The following TYR variants were observed in gnomAD, a reference collection of about 807,000 sequenced individuals.
The protein encoded by TYR is LB24-AB.
A neutral mutation model predicts 51.5 loss-of-function variants in TYR; 58 were observed. The observed-to-expected ratio is 1.13, with a 90% CI of 0.91 to 1.40. TYR has a LOEUF of 1.40. Ranked by LOEUF, TYR falls within the 40% of genes most tolerant of loss-of-function variation. The probability of loss-of-function intolerance (pLI) is 0.00; values close to 1 mark genes in which losing one functional copy is unlikely to be tolerated. For synonymous variants in TYR, 263 were observed against 235.2 expected (o/e 1.12, Z -1.08); for missense variants, 732 against 647.4 (o/e 1.13, Z -1.42).
Position 89,220,603 on chromosome 11 carries a change from C to T in TYR, c.1037-7220C>T, listed in dbSNP as rs375495984. On this transcript the variant is annotated intron_variant, in intron 2 of 4. Transcript: ENST00000263321. ...TAATATCTTCTTTACAGAGTTACTA[C>T]GAAGATAGCCGGGCGTGGCGGGTGC... Among the ~76,000 whole-genome samples the T allele has an allele frequency of 3.8e-4, 58 of 152,108 alleles. 1 individual carries two copies. The South Asian group carries it at 0.012, about 32-fold the overall frequency.
chr11:89,241,755 TTTATA>T (rs1411974429), intron 3 of TYR, among the ~76,000 whole-genome samples: 3 of 147,948 alleles, frequency 2.0e-5, no homozygotes, highest in African/African-American at 7.4e-5. Context: ...ATTAATATAT[TTTATA>T]TTATATATTA....
intron 3 of TYR, among the ~76,000 whole-genome samples, chr11:89,276,804 G>T (rs1944660313): frequency 6.6e-6 from 1 of 151,790 alleles, no homozygotes. Flanking sequence ...AAACACCCCT[G>T]TCATCCTGTG....
chr11:89,276,242 T>A (rs1424605978), intron 3 of TYR, among the ~76,000 whole-genome samples: 1 of 151,820 alleles, frequency 6.6e-6, no homozygotes, highest in Non-Finnish European at 1.5e-5. Flanking sequence ...GATCCTGAAT[T>A]TCTGAAATAA....
At chr11:89,181,445 A>G (rs569694072) in intron 1 of TYR, among the ~76,000 whole-genome samples, 2 of 152,310 alleles carry the variant, frequency 1.3e-5, no homozygotes, top group African/African-American at 4.8e-5. Flanking sequence ...ATGTTCTGTA[A>G]TAAACACACC....
chr11:89,204,363 T>C (rs1360479212), intron 2 of TYR, among the ~76,000 whole-genome samples: 1 of 151,990 alleles, frequency 6.6e-6, no homozygotes, highest in East Asian at 1.9e-4. Flanking sequence ...TCCCTTCTGC[T>C]GGAGCTGAGT....
chr11:89,180,970 A>C (rs1943292965), intron 1 of TYR, among the ~76,000 whole-genome samples: 1 of 152,162 alleles, frequency 6.6e-6, no homozygotes, highest in African/African-American at 2.4e-5. Context: ...TAAAAATAAA[A>C]AACTGTTGCA....
At chr11:89,202,080 T>C (rs150065272) in intron 2 of TYR, among the ~76,000 whole-genome samples, 48 of 109,216 alleles carry the variant, frequency 4.4e-4, no homozygotes, top group African/African-American at 1.7e-3. Flanking sequence ...GTGACTTATA[T>C]AATAATGTTA....
chr11:89,194,974 A>G lies in TYR; in HGVS notation c.1036+3556A>G, dbSNP rs375667728. Among the ~76,000 whole-genome samples, 5 of 152,310 alleles carry G rather than the reference A, an allele frequency of 3.3e-5. No homozygotes were observed. In the East Asian group the frequency reaches 9.7e-4, roughly 29 times the overall value. The stretch of plus-strand genomic sequence containing the variant: ...TCATTGGGAAGGAAACTCAAGATCA[A>G]GATTCGGAAGCAAGTTTTCCTCACC... On this transcript the variant is annotated intron_variant, in intron 2 of 4. Transcript: ENST00000263321.
Position 89,293,354 on chromosome 11 carries a change from C to T in TYR, c.1367-1789C>T, listed in dbSNP as rs184146480. Among the ~76,000 whole-genome samples the T allele has an allele frequency of 9.2e-3, 1,392 of 151,586 alleles. 20 individuals carry two copies. The highest frequency in any genetic ancestry group is 0.032 in the African/African-American group (1,335 of 41,376). ...TTATGCATACACACACACACACACA[C>T]ACACACACACACACACAACCCAGAA... On this transcript the variant is annotated intron_variant, in intron 4 of 4. Coordinates refer to ENST00000263321, the MANE Select transcript of TYR (RefSeq NM_000372.5).
At chr11:89,276,387 A>G (rs1214360506) in intron 3 of TYR, among the ~76,000 whole-genome samples, 1 of 151,834 alleles carries the variant, frequency 6.6e-6, no homozygotes, top group African/African-American at 2.4e-5. Context: ...GAAAGGAAGG[A>G]AAGAACAGAA....
intron 1 of TYR, among the ~76,000 whole-genome samples, chr11:89,189,991 T>C (rs1270406817): frequency 2.0e-5 from 3 of 152,156 alleles, no homozygotes; most frequent in African/African-American, 7.2e-5. Flanking sequence ...CATAATATTA[T>C]ACACAATGCA....
At chr11:89,260,118 A>C (rs1309409830) in intron 3 of TYR, among the ~76,000 whole-genome samples, 2 of 152,050 alleles carry the variant, frequency 1.3e-5, no homozygotes, top group Non-Finnish European at 2.9e-5. Flanking sequence ...ATTCAATGGA[A>C]TGAGCAAATA....
intron 1 of TYR, among the ~76,000 whole-genome samples, chr11:89,183,301 G>A (rs1565388677): frequency 1.3e-5 from 2 of 151,682 alleles, no homozygotes; most frequent in East Asian, 3.9e-4. Flanking sequence ...AATCACTTGC[G>A]TTGAAATAGA....
chr11:89,278,485 A>G (rs952777312), intron 3 of TYR, among the ~76,000 whole-genome samples: 3 of 151,704 alleles, frequency 2.0e-5, no homozygotes, highest in African/African-American at 7.3e-5. Context: ...TCTATTACAT[A>G]TGTGTATGTA....
chr11:89,244,562 T>C (rs1015172196), intron 3 of TYR, among the ~76,000 whole-genome samples: 2 of 152,216 alleles, frequency 1.3e-5, no homozygotes, highest in East Asian at 3.9e-4. Flanking sequence ...ACATTGTCCA[T>C]GTTTTAGCAG....
chr11:89,250,186 A>G (rs976044213), intron 3 of TYR, among the ~76,000 whole-genome samples: 9 of 152,164 alleles, frequency 5.9e-5, no homozygotes, highest in African/African-American at 2.2e-4. Flanking sequence ...GTTGGTCTGG[A>G]CAACAGGAAA....
chr11:89,178,036 A>G lies in TYR; in HGVS notation c.83A>G (p.Lys28Arg). Residue 28 changes from lysine (K) to arginine (R), a missense_variant, in exon 1 of 5, where the codon AAG becomes AGG. By Grantham distance (26) the Lys-to-Arg change is conservative. Transcript: ENST00000263321. ...GHFPRACVSS[K>R]NLMEKECCPP... ...TTCCCTAGAGCCTGTGTCTCCTCTA[A>G]GAACCTGATGGAGAAGGAATGCTGT... The G allele has an allele frequency of 6.2e-7, 1 of 1,614,200 alleles. No homozygotes were observed. The highest frequency in any genetic ancestry group is 8.5e-7 in the Non-Finnish European group (1 of 1,180,030).
In TYR at chr11:89,271,921, A is replaced by C. The variant is rs150704174; in HGVS notation, c.1185-12852A>C. Reference sequence around the variant, plus strand: ...TAAGATGCAACCCCTCATTCGTTCAAATTTTATTATGGGATTGAATAATTT... The same window carrying C: ...TAAGATGCAACCCCTCATTCGTTCACATTTTATTATGGGATTGAATAATTT... On this transcript the variant is annotated intron_variant, in intron 3 of 4. Transcript: ENST00000263321. Among the ~76,000 whole-genome samples the C allele has an allele frequency of 9.5e-3, 1,439 of 151,900 alleles. 16 individuals are homozygous for C. The highest frequency in any genetic ancestry group is 0.017 in the Middle Eastern group (5 of 294).
intron 2 of TYR, among the ~76,000 whole-genome samples, chr11:89,220,905 AG>A (rs1943903116): frequency 6.6e-6 from 1 of 152,234 alleles, no homozygotes; most frequent in African/African-American, 2.4e-5. Context: ...TGTTGTAGAG[AG>A]GCAATTAAGT....
Sources: allele counts gnomAD v4.1 joint callset (sites outside exome capture counted in the v4.1 genomes callset), GRCh38; gene constraint gnomAD v4.1.1; transcripts MANE v1.5; gene names NCBI Gene and HGNC (gene_info 2026-07-23, HGNC 2026-07-21).